Variants in FNDC3B observed in about 807,000 individuals in gnomAD.
FNDC3B encodes fibronectin type III domain containing 3B.
A neutral mutation model predicts 151.5 loss-of-function variants in FNDC3B; 12 were observed. That is an observed-to-expected ratio of 0.08 (90% CI 0.05 to 0.13). FNDC3B has a LOEUF of 0.13. Among genes scored for constraint, FNDC3B ranks in the 10% least tolerant of loss-of-function variants. The probability of loss-of-function intolerance (pLI) is 1.00; values close to 1 mark genes in which losing one functional copy is unlikely to be tolerated. For missense variants in FNDC3B, 1,214 were observed against 1,505.3 expected, an observed-to-expected ratio of 0.81 and a Z score of 3.20; for synonymous variants, 528 against 549.0, an observed-to-expected ratio of 0.96 and a Z score of 0.54.
chr3:172,087,068 A>G (rs1172391582), intron 1 of FNDC3B, among the ~76,000 whole-genome samples: 3 of 152,228 alleles, frequency 2.0e-5, no homozygotes, highest in Non-Finnish European at 4.4e-5. Flanking sequence ...CGGAGATGGA[A>G]GGAAGTGGCA....
At chr3:172,106,528 C>G (rs1021942214) in intron 1 of FNDC3B, among the ~76,000 whole-genome samples, 3 of 152,152 alleles carry the variant, frequency 2.0e-5, no homozygotes, top group African/African-American at 7.2e-5. Flanking sequence ...AATTAATTTG[C>G]GTACTGTACT....
rs555398654 is a variant in FNDC3B at position 172,340,331 on chromosome 3, G to C, written c.1853-782G>C. Reference sequence around the variant, plus strand: ...GAGAGAGTTTCACTCTGTCGCCCAGGCTGGTGTGCAACGGCGCAATCTCGG... The same window carrying C: ...GAGAGAGTTTCACTCTGTCGCCCAGCCTGGTGTGCAACGGCGCAATCTCGG... On this transcript the variant is annotated intron_variant, in intron 16 of 25. Coordinates refer to ENST00000415807, the MANE Select transcript of FNDC3B (RefSeq NM_022763.4). Among the ~76,000 whole-genome samples, 32 of 149,402 alleles carry C rather than the reference G, an allele frequency of 2.1e-4. 1 individual carries two copies. The East Asian group carries it at 6.3e-3, about 29-fold the overall frequency.
intron 3 of FNDC3B, among the ~76,000 whole-genome samples, chr3:172,187,614 A>G (rs1300081044): frequency 6.6e-6 from 1 of 152,210 alleles, no homozygotes; most frequent in African/African-American, 2.4e-5. Context: ...GCCCAAAAAC[A>G]TATTGCAGAT....
At chr3:172,159,921 C>T (rs1349495009) in intron 3 of FNDC3B, among the ~76,000 whole-genome samples, 1 of 152,114 alleles carries the variant, frequency 6.6e-6, no homozygotes, top group Non-Finnish European at 1.5e-5. Flanking sequence ...TGGTAGAGGT[C>T]AATTCATTTA....
At chr3:172,320,798 T>A (rs1732045292) in intron 11 of FNDC3B, among the ~76,000 whole-genome samples, 2 of 152,132 alleles carry the variant, frequency 1.3e-5, no homozygotes, top group African/African-American at 4.8e-5. Flanking sequence ...GAGCCATGAG[T>A]TGTGTTCCTT....
intron 20 of FNDC3B, 114 bp from the exon 21 acceptor site, chr3:172,347,098 T>C (rs1733649655): frequency 1.1e-6 from 1 of 892,538 alleles, no homozygotes; most frequent in African/African-American, 1.7e-5. Context: ...TTATATGTAT[T>C]TGAAATATTC....
chr3:172,089,422 T>C (rs772915766), intron 1 of FNDC3B, among the ~76,000 whole-genome samples: 1 of 152,096 alleles, frequency 6.6e-6, no homozygotes, highest in Non-Finnish European at 1.5e-5. Context: ...CAGGATGCAA[T>C]GTGGCACAGC....
intron 2 of FNDC3B, among the ~76,000 whole-genome samples, chr3:172,129,968 A>G (rs893051267): frequency 4.1e-5 from 6 of 146,708 alleles, no homozygotes; most frequent in Non-Finnish European, 1.5e-5. Context: ...AGCAGTTATT[A>G]TATTTCTGCT....
chr3:172,348,242 C>G (rs1445215518), intron 21 of FNDC3B, among the ~76,000 whole-genome samples: 1 of 152,174 alleles, frequency 6.6e-6, no homozygotes, highest in African/African-American at 2.4e-5. Context: ...AGTCATGGAT[C>G]AAATTCGTTA....
chr3:172,386,771 A>G (rs1236939597), intron 25 of FNDC3B, among the ~76,000 whole-genome samples: 2 of 151,758 alleles, frequency 1.3e-5, no homozygotes, highest in African/African-American at 4.8e-5. Flanking sequence ...AAAAAAAAAA[A>G]AAAACCTCTG....
At chr3:172,181,204 A>G (rs1723872133) in intron 3 of FNDC3B, among the ~76,000 whole-genome samples, 1 of 151,636 alleles carries the variant, frequency 6.6e-6, no homozygotes, top group South Asian at 2.1e-4. Flanking sequence ...GTTCGAGACC[A>G]GCCTGGATAC....
intron 13 of FNDC3B, 102 bp downstream of exon 13, chr3:172,330,817 C>T (rs1732613438): frequency 1.1e-6 from 1 of 882,614 alleles, no homozygotes; most frequent in Non-Finnish European, 1.7e-6. Flanking sequence ...AGTTCAAAGC[C>T]AAACTCTTAA....
At position 172,316,464 on chromosome 3, in the gene FNDC3B, T is replaced by C. The variant is rs191259545; in HGVS notation, c.1254+5583T>C. 585 of 456,158 alleles carry C rather than the reference T, an allele frequency of 1.3e-3. 5 individuals are homozygous for C. Among genetic ancestry groups the C allele is most frequent in the African/African-American group, 0.011 (561 of 50,180 alleles). 28.3% of individuals were successfully genotyped at this position (456,158 alleles called of 1,614,324 possible). On this transcript the variant is annotated intron_variant, in intron 11 of 25. Transcript: ENST00000415807. The stretch of plus-strand genomic sequence containing the variant: ...CTGGGTTGAGTCATTCATAAATGTC[T>C]GCCCAGTCTGTTTTAATGTTCCTAA...
In FNDC3B at chr3:172,263,201, G is replaced by A. The variant is rs149609783; in HGVS notation, c.790+11660G>A. ...ATGAGGAAGTGAGTGGGAAGAACTAGGTCTACAACAGTTAAAAATTTTTTT... is the reference window on the plus strand; with the variant it reads ...ATGAGGAAGTGAGTGGGAAGAACTAAGTCTACAACAGTTAAAAATTTTTTT... On this transcript the variant is annotated intron_variant, in intron 6 of 25. Coordinates refer to ENST00000415807, the MANE Select transcript of FNDC3B (RefSeq NM_022763.4). Among the ~76,000 whole-genome samples the A allele has an allele frequency of 2.8e-3, 430 of 151,702 alleles. 4 individuals are homozygous for A. The highest frequency in any genetic ancestry group is 0.01 in the African/African-American group (417 of 41,352).
chr3:172,255,291 G>A (rs1728275276), intron 6 of FNDC3B, among the ~76,000 whole-genome samples: 2 of 151,910 alleles, frequency 1.3e-5, no homozygotes, highest in Admixed American at 6.6e-5. Context: ...CTTTTGAGAC[G>A]GAATTTCACT....
chr3:172,321,444 C>T (rs924735475), intron 11 of FNDC3B, among the ~76,000 whole-genome samples: 4 of 152,164 alleles, frequency 2.6e-5, no homozygotes, highest in East Asian at 3.9e-4. Context: ...GAGGTCCTTA[C>T]TTTGGTGGAT....
intron 11 of FNDC3B, among the ~76,000 whole-genome samples, chr3:172,311,834 C>A (rs1330772541): frequency 1.3e-5 from 2 of 150,566 alleles, no homozygotes; most frequent in African/African-American, 4.9e-5. Context: ...GCCGAGATCG[C>A]ACCACTGCAC....
chr3:172,054,781 C>T (rs1277138909), intron 1 of FNDC3B, among the ~76,000 whole-genome samples: 2 of 152,172 alleles, frequency 1.3e-5, no homozygotes, highest in Non-Finnish European at 2.9e-5. Context: ...CACCTGACCC[C>T]TCTCTCTATA....
chr3:172,267,433 G>A (rs1039923205), intron 6 of FNDC3B, among the ~76,000 whole-genome samples: 1 of 152,194 alleles, frequency 6.6e-6, no homozygotes, highest in African/African-American at 2.4e-5. Context: ...TGGGATTACA[G>A]GTGTGAGCCA....
Sources: allele counts gnomAD v4.1 joint callset (sites outside exome capture counted in the v4.1 genomes callset), GRCh38; gene constraint gnomAD v4.1.1; transcripts MANE v1.5; gene names NCBI Gene and HGNC (gene_info 2026-07-23, HGNC 2026-07-21).